The following PROM1 variants were observed in gnomAD, a reference collection of about 807,000 sequenced individuals.
PROM1 encodes the protein prominin 1.
PROM1 carries 105 observed loss-of-function variants against 116.9 expected under a neutral mutation model. The ratio of observed to expected loss-of-function variants is 0.90; its 90% CI spans 0.77 to 1.06. The LOEUF is 1.06. PROM1 is among the 50% of genes least tolerant of loss of function. PROM1 has a pLI of 0.00. For synonymous variants in PROM1, 393 were observed against 387.0 expected (o/e 1.02, Z -0.18); for missense variants, 1,122 against 1,045.2 (o/e 1.07, Z -1.01).
intron 14 of PROM1, among the ~76,000 whole-genome samples, chr4:15,999,267 C>T (rs536034217): frequency 9.9e-5 from 15 of 151,966 alleles, no homozygotes; most frequent in African/African-American, 1.9e-4. Context: ...GTCAGGAGAT[C>T]GAGACCATCC....
At chr4:16,080,939 T>C (rs1323743287) in intron 1 of PROM1, among the ~76,000 whole-genome samples, 2 of 152,176 alleles carry the variant, frequency 1.3e-5, no homozygotes, top group Admixed American at 1.3e-4. Context: ...AGGGGTCCTG[T>C]GGCATGTCCT....
chr4:15,991,888 A>ATT (rs1301641539), intron 17 of PROM1, among the ~76,000 whole-genome samples: 3 of 133,042 alleles, frequency 2.3e-5, no homozygotes, highest in South Asian at 5.3e-4. Context: ...GTGAGCCGAG[A>ATT]TTGCGCCACT....
intron 2 of PROM1, among the ~76,000 whole-genome samples, chr4:16,054,380 A>T (rs542408767): frequency 6.6e-6 from 1 of 152,262 alleles, no homozygotes; most frequent in South Asian, 2.1e-4. Flanking sequence ...TTGGAGTCAG[A>T]GTGACCAAAC....
intron 2 of PROM1, among the ~76,000 whole-genome samples, chr4:16,056,499 TAG>T (rs1161781934): frequency 4.6e-5 from 7 of 152,082 alleles, no homozygotes; most frequent in Non-Finnish European, 2.9e-5. Flanking sequence ...TCAAGATGTT[TAG>T]AGTCTATCAA....
chr4:16,024,375 C>T lies in PROM1; in HGVS notation c.631-17G>A, dbSNP rs760544667. On this transcript the variant is annotated splice_polypyrimidine_tract_variant and intron_variant, in intron 6 of 27. Transcript: ENST00000447510. ...TTTGATTTGCTGAAAAAAGAACATTCTGTGAAACCTCCCCTTCTAAGGTCC... is the reference window on the plus strand; with the variant it reads ...TTTGATTTGCTGAAAAAAGAACATTTTGTGAAACCTCCCCTTCTAAGGTCC... The T allele has an allele frequency of 1.9e-6, 3 of 1,600,774 alleles. No individual in the cohort carries two copies. Among genetic ancestry groups the T allele is most frequent in the Non-Finnish European group, 1.7e-6 (2 of 1,172,362 alleles).
At position 15,980,543 on chromosome 4, in the gene PROM1, A is replaced by T; in HGVS notation, c.2374-6T>A. ...ATGCCAAACCAAAACAAATTCTAGG[A>T]AAAAAAAATCAGAAGAATTAAATGT... On this transcript the variant is annotated splice_region_variant and splice_polypyrimidine_tract_variant and intron_variant, in intron 23 of 27. Transcript: ENST00000447510. The T allele has an allele frequency of 4.2e-6, 6 of 1,439,724 alleles. No homozygotes were observed. The highest frequency in any genetic ancestry group is 5.6e-6 in the Non-Finnish European group (6 of 1,065,452). The allele number at this position is 1,439,724 out of a possible 1,614,324, so 89.2% of individuals were successfully genotyped here.
intron 23 of PROM1, 67 bp from the exon 24 acceptor site, chr4:15,980,604 GGATTTTTTTT>G: frequency 1.3e-6 from 1 of 793,348 alleles, no homozygotes; most frequent in Non-Finnish European, 1.8e-6. Flanking sequence ...GTTGTTTGGG[GGATTTTTTTT>G]TTTTTTTTTT....
chr4:16,005,578 A>C (rs1340645338), intron 13 of PROM1, among the ~76,000 whole-genome samples: 8 of 151,906 alleles, frequency 5.3e-5, no homozygotes, highest in African/African-American at 1.7e-4. Flanking sequence ...TTTAAAAAAC[A>C]AATTAATCAA....
intron 2 of PROM1, among the ~76,000 whole-genome samples, chr4:16,063,126 C>T (rs1400303948): frequency 6.6e-6 from 1 of 152,104 alleles, no homozygotes; most frequent in East Asian, 1.9e-4. Context: ...AATCTGATCT[C>T]TATAAGTACT....
At chr4:16,042,332 T>C (rs1578180804) in intron 2 of PROM1, among the ~76,000 whole-genome samples, 1 of 152,324 alleles carries the variant, frequency 6.6e-6, no homozygotes, top group East Asian at 1.9e-4. Context: ...ATGAAATATG[T>C]CCACATTTGG....
At chr4:16,000,733 T>A (rs1165380802) in intron 13 of PROM1, 114 bp from the exon 14 acceptor site, 16 of 930,452 alleles carry the variant, frequency 1.7e-5, no homozygotes, top group African/African-American at 1.7e-4. Flanking sequence ...TCAGTGTTAT[T>A]CAGGTGAAAC....
At chr4:16,042,736 G>A (rs1735631157) in intron 2 of PROM1, among the ~76,000 whole-genome samples, 1 of 152,146 alleles carries the variant, frequency 6.6e-6, no homozygotes, top group South Asian at 2.1e-4. Context: ...TTTTAGTGTG[G>A]TATTAAAGAA....
At position 16,033,421 on chromosome 4, in the gene PROM1, C is replaced by T. The variant is rs773950219; in HGVS notation, c.392G>A (p.Cys131Tyr). 2 of 1,613,712 alleles carry T rather than the reference C, an allele frequency of 1.2e-6. No individual in the cohort carries two copies. The highest frequency in any genetic ancestry group is 3.3e-5 in the Admixed American group (2 of 59,992). ...ACATTTGTTACAGCAACGACACATA[C>T]AAAAGAAATACCCCACCAGAGGCAT... ...ILMPLVGYFF[C>Y]MCRCCNKCGG... Residue 131 changes from cysteine (C) to tyrosine (Y), a missense_variant, in exon 5 of 28, where the codon TGT becomes TAT. By Grantham distance (194) the Cys-to-Tyr change is radical (BLOSUM62 -2). Coordinates refer to ENST00000447510, the MANE Select transcript of PROM1 (RefSeq NM_006017.3).
At chr4:16,058,389 A>G (rs892284471) in intron 2 of PROM1, among the ~76,000 whole-genome samples, 55 of 152,356 alleles carry the variant, frequency 3.6e-4, no homozygotes, top group Middle Eastern at 3.4e-3. Flanking sequence ...CAAATGATAA[A>G]CTATCAGAAA....
At chr4:16,035,840 A>C in intron 3 of PROM1, 79 bp from the exon 4 acceptor site, 2 of 1,323,090 alleles carry the variant, frequency 1.5e-6, no homozygotes, top group Non-Finnish European at 2.2e-6. Flanking sequence ...GTTATGAGTG[A>C]TCAACCATAA....
At chr4:16,077,277 G>A (rs1205688493) in intron 1 of PROM1, among the ~76,000 whole-genome samples, 2 of 152,174 alleles carry the variant, frequency 1.3e-5, no homozygotes, top group African/African-American at 4.8e-5. Context: ...GGGCAACAAT[G>A]CTGCTCTGTA....
chr4:16,042,471 A>G (rs1389838469), intron 2 of PROM1, among the ~76,000 whole-genome samples: 2 of 152,206 alleles, frequency 1.3e-5, no homozygotes, highest in African/African-American at 4.8e-5. Flanking sequence ...ATGATTAAAA[A>G]TTACTTAATG....
rs759302699 is a variant in PROM1 at position 16,075,946 on chromosome 4, C to T, written c.-40G>A. 5.2e-6 allele frequency: 8 copies of T among 1,544,424 alleles called. No individual in the cohort carries two copies. The highest frequency in any genetic ancestry group is 3.9e-5 in the Admixed American group (2 of 51,412). On this transcript the variant is annotated 5_prime_UTR_variant, in exon 2 of 28. Coordinates refer to ENST00000447510, the MANE Select transcript of PROM1 (RefSeq NM_006017.3). ...TCCAAACATGAGGTAGAACTTGGTG[C>T]CTCCTGCCTCAGAGCTTCTGGAAGC...
intron 5 of PROM1, among the ~76,000 whole-genome samples, chr4:16,025,908 C>G (rs918652397): frequency 1.3e-5 from 2 of 152,158 alleles, no homozygotes; most frequent in African/African-American, 4.8e-5. Context: ...ATGTGAGAAG[C>G]CACATACAAC....
Sources: allele counts gnomAD v4.1 joint callset (sites outside exome capture counted in the v4.1 genomes callset), GRCh38; gene constraint gnomAD v4.1.1; transcripts MANE v1.5; gene names NCBI Gene and HGNC (gene_info 2026-07-23, HGNC 2026-07-21).